Variants in WDPCP observed in about 807,000 individuals in gnomAD.
WDPCP encodes WD repeat containing planar cell polarity effector, also known as WD repeat-containing and planar cell polarity effector protein fritz homolog.
Under a neutral mutation model 93.1 loss-of-function variants are expected in WDPCP, and 71 were observed. The observed-to-expected ratio is 0.76, with a 90% CI of 0.63 to 0.93. The LOEUF (loss-of-function observed/expected upper bound fraction) is 0.93, where lower values mean the gene tolerates loss of function less well. Among genes scored for constraint, WDPCP ranks in the 40% least tolerant of loss-of-function variants. WDPCP has a pLI of 0.00. For synonymous variants in WDPCP, 315 were observed against 315.0 expected, an observed-to-expected ratio of 1.00 and a Z score of 0.00; for missense variants, 844 against 887.4, an observed-to-expected ratio of 0.95 and a Z score of 0.62.
chr2:63,587,331 G>C (rs1021342273), intron 1 of WDPCP, among the ~76,000 whole-genome samples: 1 of 152,126 alleles, frequency 6.6e-6, no homozygotes, highest in African/African-American at 2.4e-5. Context: ...GCAGAACTGA[G>C]AACCAGTAAC....
At chr2:63,519,333 C>T (rs1392641141) in intron 1 of WDPCP, 1 of 152,478 alleles carries the variant, frequency 6.6e-6, no homozygotes, top group Non-Finnish European at 1.5e-5. Flanking sequence ...GGGTCACCCC[C>T]ATGCCAATAT....
chr2:63,618,632 AC>A (rs1430764017), intron 3 of WDPCP, among the ~76,000 whole-genome samples: 2 of 151,800 alleles, frequency 1.3e-5, no homozygotes, highest in African/African-American at 4.8e-5. Flanking sequence ...AAGCATGGGT[AC>A]TGTGGGCCTT....
intron 13 of WDPCP, among the ~76,000 whole-genome samples, chr2:63,297,502 A>G (rs1371720416): frequency 1.3e-5 from 2 of 152,128 alleles, no homozygotes; most frequent in East Asian, 1.9e-4. Context: ...CATTTCCTCT[A>G]TTATTCTCCT....
intron 6 of WDPCP, among the ~76,000 whole-genome samples, chr2:63,468,264 A>G (rs1699477581): frequency 6.6e-6 from 1 of 151,950 alleles, no homozygotes. Context: ...CATCTTTCAC[A>G]TCTCCCCCAC....
rs554565526 is a variant in WDPCP at position 63,715,809 on chromosome 2, C to T, written n.309-64971G>A. ...ATCAGGAGGTGTCAGGATTGCCATT[C>T]GTCATAAAATCAGAGAGGCAAGAAC... On this transcript the variant is annotated intron_variant and non_coding_transcript_variant, in intron 2 of 4. Transcript: ENST00000467687. Among the ~76,000 whole-genome samples, 7 of 152,178 alleles carry T rather than the reference C, an allele frequency of 4.6e-5. No individual in the cohort carries two copies. The South Asian group carries it at 8.3e-4, about 18-fold the overall frequency.
At chr2:63,715,757 A>G (rs1469180957) in intron 2 of WDPCP, among the ~76,000 whole-genome samples, 5 of 152,246 alleles carry the variant, frequency 3.3e-5, no homozygotes, top group Non-Finnish European at 4.4e-5. Flanking sequence ...ATACAAAGAT[A>G]AAGTCAAGAA....
At chr2:63,237,490 A>G (rs770612227) in intron 14 of WDPCP, among the ~76,000 whole-genome samples, 6 of 152,186 alleles carry the variant, frequency 3.9e-5, no homozygotes, top group Non-Finnish European at 8.8e-5. Flanking sequence ...TTTATACCCA[A>G]AGGAAAATTG....
chr2:63,653,740 G>A (rs1009360818), intron 2 of WDPCP, among the ~76,000 whole-genome samples: 1 of 151,888 alleles, frequency 6.6e-6, no homozygotes, highest in Non-Finnish European at 1.5e-5. Flanking sequence ...GCGAAACCCC[G>A]TCTCTACTAA....
chr2:63,132,589 C>A (rs1302808383), intron 17 of WDPCP, among the ~76,000 whole-genome samples: 1 of 147,772 alleles, frequency 6.8e-6, no homozygotes, highest in Non-Finnish European at 1.5e-5. Flanking sequence ...CTTGTTTATT[C>A]TTTCTTCTGT....
chr2:63,244,180 C>A (rs984938326), intron 14 of WDPCP, among the ~76,000 whole-genome samples: 8 of 152,016 alleles, frequency 5.3e-5, no homozygotes, highest in Non-Finnish European at 1.0e-4. Flanking sequence ...TTAATGAAAA[C>A]AGAGACACAA....
Position 63,631,263 on chromosome 2 carries a change from G to A in WDPCP, n.488+19396C>T, listed in dbSNP as rs1023460049. Among the ~76,000 whole-genome samples, 3 of 152,106 alleles carry A rather than the reference G, an allele frequency of 2.0e-5. No individual in the cohort carries two copies. The East Asian group carries it at 5.8e-4, about 29-fold the overall frequency. On this transcript the variant is annotated intron_variant and non_coding_transcript_variant, in intron 3 of 4. Coordinates refer to the WDPCP transcript ENST00000467687. ...CCACTGCATTCCAGTCTAGGCAACA[G>A]AGTGAGACTCCATCTCAAAATAAAT...
intron 12 of WDPCP, among the ~76,000 whole-genome samples, chr2:63,357,841 G>C (rs191058527): frequency 6.6e-6 from 1 of 152,248 alleles, no homozygotes; most frequent in African/African-American, 2.4e-5. Flanking sequence ...TAGCAGCAAA[G>C]ACATAGAATC....
chr2:63,701,988 A>T (rs1410475887), intron 2 of WDPCP, among the ~76,000 whole-genome samples: 3 of 152,198 alleles, frequency 2.0e-5, no homozygotes, highest in Non-Finnish European at 4.4e-5. Flanking sequence ...CAAAATAATT[A>T]GACGAGAATA....
At chr2:63,423,103 C>G (rs1427710486) in intron 9 of WDPCP, among the ~76,000 whole-genome samples, 6 of 152,178 alleles carry the variant, frequency 3.9e-5, no homozygotes, top group African/African-American at 1.4e-4. Flanking sequence ...TTCTGGGTGC[C>G]TGCACAGTTC....
chr2:63,728,208 A>G (rs1669516864), intron 2 of WDPCP, among the ~76,000 whole-genome samples: 1 of 152,236 alleles, frequency 6.6e-6, no homozygotes, highest in Non-Finnish European at 1.5e-5. Flanking sequence ...GTAGCATTAT[A>G]TTTTTTGGAA....
chr2:63,340,876 C>T (rs552942902), intron 12 of WDPCP, among the ~76,000 whole-genome samples: 1 of 152,188 alleles, frequency 6.6e-6, no homozygotes, highest in Admixed American at 6.5e-5. Context: ...AGAAGTTCCT[C>T]CTTTTTAAAA....
intron 2 of WDPCP, among the ~76,000 whole-genome samples, chr2:63,698,478 G>A (rs1343213511): frequency 6.6e-6 from 1 of 152,152 alleles, no homozygotes. Flanking sequence ...CCAAGCAGAT[G>A]TTAGAATGTT....
At chr2:63,175,490 A>G (rs1673739559) in intron 14 of WDPCP, among the ~76,000 whole-genome samples, 2 of 152,134 alleles carry the variant, frequency 1.3e-5, no homozygotes. Flanking sequence ...ATTTTAAAGC[A>G]TACAGTTCAA....
intron 1 of WDPCP, among the ~76,000 whole-genome samples, chr2:63,495,734 A>AC (rs1378370439): frequency 2.0e-5 from 3 of 152,220 alleles, no homozygotes; most frequent in Non-Finnish European, 2.9e-5. Flanking sequence ...AATTACCTTA[A>AC]CACTGCAGTT....
Sources: allele counts gnomAD v4.1 joint callset (sites outside exome capture counted in the v4.1 genomes callset), GRCh38; gene constraint gnomAD v4.1.1; transcripts MANE v1.5; gene names NCBI Gene and HGNC (gene_info 2026-07-23, HGNC 2026-07-21).